LMX1A: variants seen among roughly 807,000 people sequenced by gnomAD.
LMX1A encodes the protein LIM homeobox transcription factor 1-alpha.
In LMX1A, 15 loss-of-function variants were observed where a neutral mutation model predicts 49.1. The ratio of observed to expected loss-of-function variants is 0.31; its 90% CI spans 0.20 to 0.47. LMX1A has a LOEUF of 0.47. LMX1A is among the 20% of genes least tolerant of loss of function. The pLI is 1.00. For missense variants in LMX1A, 372 were observed against 475.8 expected, an observed-to-expected ratio of 0.78 and a Z score of 2.03; for synonymous variants, 167 against 185.7, an observed-to-expected ratio of 0.90 and a Z score of 0.82.
intron 3 of LMX1A, among the ~76,000 whole-genome samples, chr1:165,351,258 G>T (rs1571238573): frequency 6.6e-6 from 1 of 152,226 alleles, no homozygotes; most frequent in East Asian, 1.9e-4. Context: ...TGTGCCTGAA[G>T]GATGTGGACA....
intron 3 of LMX1A, among the ~76,000 whole-genome samples, chr1:165,312,244 G>A (rs949501147): frequency 1.3e-5 from 2 of 152,198 alleles, no homozygotes; most frequent in Non-Finnish European, 2.9e-5. Context: ...TAGCAAAAGA[G>A]CAGTATGGTA....
intron 3 of LMX1A, among the ~76,000 whole-genome samples, chr1:165,281,181 G>C (rs1382921808): frequency 6.6e-6 from 1 of 152,044 alleles, no homozygotes; most frequent in Non-Finnish European, 1.5e-5. Context: ...GGAGTAGAAG[G>C]CACTTTTAGT....
In LMX1A at chr1:165,230,966, T is replaced by C. The variant is rs547248301; in HGVS notation, c.497-17153A>G. Among the ~76,000 whole-genome samples the C allele has an allele frequency of 7.9e-5, 12 of 152,276 alleles. No homozygotes were observed. In the East Asian group the frequency reaches 2.3e-3, roughly 29 times the overall value. ...GGGTATGATCATTAACTCCATGCAC[T>C]CAACTCAGAGGGTGGAGCACTAACA... On this transcript the variant is annotated intron_variant, in intron 4 of 8. Transcript: ENST00000342310.
chr1:165,342,049 C>T (rs1656093507), intron 3 of LMX1A, among the ~76,000 whole-genome samples: 1 of 152,176 alleles, frequency 6.6e-6, no homozygotes, highest in Non-Finnish European at 1.5e-5. Context: ...TTCATCTCTC[C>T]AAAATGGACT....
In LMX1A at chr1:165,355,441, G is replaced by C. The variant is rs995200507; in HGVS notation, c.76+43C>G. ...GCGGGGCTCCAGAGCTCAGCGCCAA[G>C]CGGAAAGAGAGTGCGCCCAGGACGC... On this transcript the variant is annotated intron_variant, in intron 2 of 8. Transcript: ENST00000342310. The surrounding 1 kb of genome is among the most constrained non-coding windows in gnomAD (Gnocchi z 4.7). 6.3e-7 allele frequency: 1 copy of C among 1,599,132 alleles called. No individual in the cohort carries two copies. Among genetic ancestry groups the C allele is most frequent in the African/African-American group, 1.3e-5 (1 of 74,596 alleles).
intron 4 of LMX1A, among the ~76,000 whole-genome samples, chr1:165,247,065 T>TTTTTTTTTTTTTTC (rs1652881836): frequency 7.6e-6 from 1 of 131,146 alleles, no homozygotes; most frequent in African/African-American, 2.9e-5. Context: ...TTTTTTTTTT[T>TTTTTTTTTTTTTTC]TTTTTTTTTT....
chr1:165,339,124 G>A (rs1655988289), intron 3 of LMX1A, among the ~76,000 whole-genome samples: 1 of 152,182 alleles, frequency 6.6e-6, no homozygotes, highest in African/African-American at 2.4e-5. Flanking sequence ...CAGAATTAAA[G>A]CTCAAAGATT....
chr1:165,240,144 C>A (rs1004354209), intron 4 of LMX1A, among the ~76,000 whole-genome samples: 1 of 152,162 alleles, frequency 6.6e-6, no homozygotes, highest in Non-Finnish European at 1.5e-5. Context: ...AACTTATATA[C>A]ACACCTATAA....
intron 3 of LMX1A, among the ~76,000 whole-genome samples, chr1:165,318,007 C>G (rs1350270814): frequency 6.6e-6 from 1 of 152,226 alleles, no homozygotes; most frequent in East Asian, 1.9e-4. Context: ...AGGAAAAGCA[C>G]TAAATCATTT....
intron 6 of LMX1A, 151 bp from the exon 7 acceptor site, chr1:165,208,283 C>T (rs1374477516): frequency 3.1e-6 from 2 of 635,134 alleles, no homozygotes; most frequent in South Asian, 3.9e-5. Context: ...AGTGGCCAGC[C>T]CCATATGCGA....
chr1:165,270,791 C>G (rs1653769893), intron 3 of LMX1A, among the ~76,000 whole-genome samples: 1 of 152,114 alleles, frequency 6.6e-6, no homozygotes, highest in Non-Finnish European at 1.5e-5. Context: ...TCTGTTAGGA[C>G]CAGCACACAG....
At chr1:165,264,906 C>G (rs146462228) in intron 3 of LMX1A, among the ~76,000 whole-genome samples, 2 of 151,126 alleles carry the variant, frequency 1.3e-5, no homozygotes, top group Admixed American at 1.3e-4. Context: ...TACCCTGCCT[C>G]GAAATAAAAA....
intron 3 of LMX1A, among the ~76,000 whole-genome samples, chr1:165,338,214 G>A (rs1429541459): frequency 2.6e-5 from 4 of 152,142 alleles, no homozygotes; most frequent in Non-Finnish European, 5.9e-5. Flanking sequence ...CACAGCATGT[G>A]ACTTTATTGA....
chr1:165,328,619 C>G (rs7549587), intron 3 of LMX1A, among the ~76,000 whole-genome samples: 35,992 of 152,158 alleles, frequency 0.24, 4,858 homozygotes, highest in African/African-American at 0.34. Context: ...GGTGGACCAA[C>G]AGAGAGATTC....
At chr1:165,342,079 T>C (rs530933679) in intron 3 of LMX1A, among the ~76,000 whole-genome samples, 6 of 152,330 alleles carry the variant, frequency 3.9e-5, no homozygotes, top group Admixed American at 2.0e-4. Context: ...TTTAAGAGAA[T>C]AAAATTTCAG....
intron 3 of LMX1A, among the ~76,000 whole-genome samples, chr1:165,315,059 G>T (rs1655180401): frequency 6.6e-6 from 1 of 152,162 alleles, no homozygotes; most frequent in South Asian, 2.1e-4. Flanking sequence ...GTCTGGAGTT[G>T]CACTGCTTGT....
intron 4 of LMX1A, among the ~76,000 whole-genome samples, chr1:165,233,829 A>G (rs1022638495): frequency 6.6e-6 from 1 of 152,224 alleles, no homozygotes; most frequent in African/African-American, 2.4e-5. Flanking sequence ...ACTTAGAATG[A>G]TGCCTGACAT....
At chr1:165,272,038 T>C (rs879478528) in intron 3 of LMX1A, among the ~76,000 whole-genome samples, 4 of 152,150 alleles carry the variant, frequency 2.6e-5, no homozygotes, top group African/African-American at 7.2e-5. Flanking sequence ...TCGGGGTACA[T>C]GTGCAGGATG....
At chr1:165,251,465 A>G (rs563746252) in intron 3 of LMX1A, among the ~76,000 whole-genome samples, 17 of 152,310 alleles carry the variant, frequency 1.1e-4, no homozygotes, top group African/African-American at 3.6e-4. Context: ...AAATGGAGGT[A>G]GCGAGATGAG....
Sources: gnomAD v4.1 joint callset for allele counts (sites outside exome capture counted in the v4.1 genomes callset) on GRCh38, gnomAD v4.1.1 for gene constraint, Gnocchi (gnomAD v3.1) non-coding constraint, MANE v1.5 for transcripts, NCBI Gene and HGNC (gene_info 2026-07-23, HGNC 2026-07-21) for gene names.